Variants in ZNF800 observed in about 807,000 individuals in gnomAD.
ZNF800 encodes zinc finger protein 800.
ZNF800 carries 13 observed loss-of-function variants against 59.5 expected under a neutral mutation model. That is an observed-to-expected ratio of 0.22 (90% CI 0.14 to 0.35). The LOEUF is 0.35. Ranked by LOEUF, ZNF800 falls within the 10% of genes least tolerant of loss-of-function variation. ZNF800 has a pLI of 1.00. For synonymous variants in ZNF800, 266 were observed against 265.7 expected, an observed-to-expected ratio of 1.00 and a Z score of -0.01; for missense variants, 621 against 783.7, an observed-to-expected ratio of 0.79 and a Z score of 2.48.
chr7:127,391,967 C>T, intron 1 of ZNF800, 93 bp downstream of exon 1: 1 of 380,482 alleles, frequency 2.6e-6, no homozygotes, highest in East Asian at 3.8e-5. Flanking sequence ...CTCCCGCCGG[C>T]TGCTGGCCCA....
intron 1 of ZNF800, among the ~76,000 whole-genome samples, chr7:127,355,292 A>G (rs892580222): frequency 6.6e-6 from 1 of 152,108 alleles, no homozygotes; most frequent in Admixed American, 6.6e-5. Flanking sequence ...AAAAGAAATC[A>G]AAACTTATTG....
intron 1 of ZNF800, chr7:127,363,609 C>T (rs1182622976): frequency 6.6e-6 from 1 of 151,118 alleles, no homozygotes. Context: ...CACAGAGACA[C>T]AGAAGGGAGA....
intron 1 of ZNF800, chr7:127,350,134 A>G (rs1800143938): frequency 6.6e-6 from 1 of 152,212 alleles, no homozygotes; most frequent in Non-Finnish European, 1.5e-5. Context: ...CTTTGCTCAG[A>G]TTTATCCAGA....
At chr7:127,344,412 G>C (rs769156141), downstream of ZNF800, among the ~76,000 whole-genome samples, 3 of 152,030 alleles carry the variant, frequency 2.0e-5, no homozygotes, top group Non-Finnish European at 2.9e-5. Flanking sequence ...TCCTGAATAA[G>C]AAATTTAATA....
At chr7:127,353,695 T>A (rs895386758) in intron 1 of ZNF800, among the ~76,000 whole-genome samples, 2 of 152,212 alleles carry the variant, frequency 1.3e-5, no homozygotes, top group African/African-American at 4.8e-5. Context: ...TCTATGAATA[T>A]TATCATGGAC....
At chr7:127,376,030 T>A (rs1439360957) in intron 4 of ZNF800, among the ~76,000 whole-genome samples, 1 of 151,900 alleles carries the variant, frequency 6.6e-6, no homozygotes, top group Admixed American at 6.6e-5. Flanking sequence ...AAAAAATAAA[T>A]AACTACCAAA....
chr7:127,384,641 C>A (rs1801085409), intron 3 of ZNF800, among the ~76,000 whole-genome samples: 1 of 151,964 alleles, frequency 6.6e-6, no homozygotes, highest in Non-Finnish European at 1.5e-5. Flanking sequence ...AGTAATATTA[C>A]TAAATATGAA....
At chr7:127,375,882 C>G (rs1359763887) in intron 4 of ZNF800, among the ~76,000 whole-genome samples, 1 of 151,872 alleles carries the variant, frequency 6.6e-6, no homozygotes, top group Non-Finnish European at 1.5e-5. Context: ...AGTCATCTGT[C>G]TTTTAAGATG....
intron 3 of ZNF800, among the ~76,000 whole-genome samples, chr7:127,379,889 AGAGG>A (rs1255482839): frequency 8.5e-6 from 1 of 118,134 alleles, no homozygotes. Flanking sequence ...AGAGAGAGAG[AGAGG>A]GAGAGAGAGC....
At chr7:127,366,315 A>G (rs2117068968), downstream of ZNF800, among the ~76,000 whole-genome samples, 1 of 152,282 alleles carries the variant, frequency 6.6e-6, no homozygotes, top group African/African-American at 2.4e-5. Flanking sequence ...GCACAAACAG[A>G]AAAGCAGAAA....
In ZNF800 at chr7:127,377,411, G is replaced by C; in HGVS notation, c.158-82C>G. The C allele has an allele frequency of 8.6e-7, 1 of 1,164,704 alleles. No individual in the cohort carries two copies. Among genetic ancestry groups the C allele is most frequent in the African/African-American group, 1.5e-5 (1 of 64,522 alleles). 72.1% of individuals were successfully genotyped at this position (1,164,704 alleles called of 1,614,324 possible). A position where few individuals can be genotyped will look rare whatever the true frequency, so the allele number is the denominator to read the frequency against. ...TTAAACTGGACAACCACTGTTGACA[G>C]ACCAAAAGTGCAGTTACTCTTTGAA... On this transcript the variant is annotated intron_variant, in intron 3 of 5. Transcript: ENST00000265827. The surrounding 1 kb of genome is among the most constrained non-coding windows in gnomAD (Gnocchi z 4.7).
intron 2 of ZNF800, among the ~76,000 whole-genome samples, chr7:127,388,490 A>G (rs1261665218): frequency 3.9e-5 from 6 of 152,230 alleles, no homozygotes; most frequent in Non-Finnish European, 7.3e-5. Context: ...GTCTGCCTCT[A>G]TCAGTTACAA....
At chr7:127,367,710 G>A (rs985307465), downstream of ZNF800, among the ~76,000 whole-genome samples, 1 of 152,088 alleles carries the variant, frequency 6.6e-6, no homozygotes, top group African/African-American at 2.4e-5. Context: ...AAAATACATG[G>A]TGTACAATTT....
chr7:127,385,461 A>C (rs1456617237), intron 3 of ZNF800, among the ~76,000 whole-genome samples: 1 of 152,206 alleles, frequency 6.6e-6, no homozygotes, highest in African/African-American at 2.4e-5. Context: ...CAATTACACA[A>C]TTATATTTAT....
Position 127,371,820 on chromosome 7 carries a change from G to T in ZNF800, c.*-6C>A. 1.3e-6 allele frequency: 1 copy of T among 766,478 alleles called. No homozygotes were observed. The highest frequency in any genetic ancestry group is 2.4e-6 in the Non-Finnish European group (1 of 411,772). The allele number at this position is 766,478 out of a possible 1,614,324, so 47.5% of individuals were successfully genotyped here. On this transcript the variant is annotated splice_polypyrimidine_tract_variant and splice_region_variant and intron_variant, in intron 5 of 5. Transcript: ENST00000265827. ...CGTACATCACTTGAAGTTATCTGAG[G>T]AGAAATGGGAATAAATGAACACTTT...
chr7:127,345,393 G>A (rs937539048), downstream of ZNF800, among the ~76,000 whole-genome samples: 1 of 152,164 alleles, frequency 6.6e-6, no homozygotes, highest in South Asian at 2.1e-4. Flanking sequence ...CAGCAAATGG[G>A]AGGACAGAAA....
At chr7:127,361,330 C>G (rs921766483) in intron 1 of ZNF800, 1 of 152,092 alleles carries the variant, frequency 6.6e-6, no homozygotes, top group Admixed American at 6.6e-5. Context: ...GTAATCCCAT[C>G]GCTTTGTGAA....
At position 127,372,703 on chromosome 7, in the gene ZNF800, A is replaced by C. The variant is rs1477360073; in HGVS notation, c.1994+639T>G. 3.0e-6 allele frequency: 3 copies of C among 985,192 alleles called. No homozygotes were observed. The African/African-American group carries it at 5.2e-5, about 17-fold the overall frequency. The allele number at this position is 985,192 out of a possible 1,614,324, so 61.0% of individuals were successfully genotyped here. ...AAACAGTAACTAACACACACTCCCA[A>C]GGAGAAGGAAAAAAAATCCAAACTT... is the stretch of plus-strand genomic sequence containing the variant. On this transcript the variant is annotated intron_variant, in intron 5 of 5. Coordinates refer to ENST00000265827, the MANE Select transcript of ZNF800 (RefSeq NM_176814.5).
intron 1 of ZNF800, among the ~76,000 whole-genome samples, chr7:127,348,428 T>C (rs1469199663): frequency 2.8e-5 from 2 of 71,532 alleles, no homozygotes; most frequent in Admixed American, 3.2e-4. Flanking sequence ...CAGAAAAAAA[T>C]GGCAAAAAAA....
Sources: gnomAD v4.1 joint callset for allele counts (sites outside exome capture counted in the v4.1 genomes callset) on GRCh38, gnomAD v4.1.1 for gene constraint, Gnocchi (gnomAD v3.1) non-coding constraint, MANE v1.5 for transcripts, NCBI Gene and HGNC (gene_info 2026-07-23, HGNC 2026-07-21) for gene names.